The following LDLRAD3 variants were observed in gnomAD, a reference collection of about 807,000 sequenced individuals.
The protein encoded by LDLRAD3 is low-density lipoprotein receptor class A domain-containing protein 3.
Under a neutral mutation model 29.4 loss-of-function variants are expected in LDLRAD3, and 20 were observed. The ratio of observed to expected loss-of-function variants is 0.68; its 90% CI spans 0.48 to 0.99. The LOEUF (loss-of-function observed/expected upper bound fraction) is 0.99. Ranked by LOEUF, LDLRAD3 falls within the 50% of genes least tolerant of loss-of-function variation. The probability of loss-of-function intolerance (pLI) is 0.00; values close to 1 mark genes in which losing one functional copy is unlikely to be tolerated. For synonymous variants in LDLRAD3, 157 were observed against 192.7 expected (o/e 0.81, Z 1.53); for missense variants, 420 against 454.3 (o/e 0.92, Z 0.69).
At chr11:36,079,903 C>G (rs1403514622) in intron 2 of LDLRAD3, among the ~76,000 whole-genome samples, 2 of 152,162 alleles carry the variant, frequency 1.3e-5, no homozygotes, top group African/African-American at 4.8e-5. Context: ...AGAAACTTGT[C>G]CAAAGTCATA....
At chr11:36,104,883 T>C (rs1480194658) in intron 4 of LDLRAD3, among the ~76,000 whole-genome samples, 3 of 152,188 alleles carry the variant, frequency 2.0e-5, no homozygotes, top group Non-Finnish European at 4.4e-5. Context: ...TCAGTCCTAC[T>C]CTTGGCCTGT....
intron 3 of LDLRAD3, among the ~76,000 whole-genome samples, 171 bp downstream of exon 3, chr11:36,081,949 G>A (rs757153300): frequency 5.3e-5 from 8 of 152,198 alleles, no homozygotes; most frequent in African/African-American, 9.7e-5. Context: ...TAAATGTTCA[G>A]CCACCATTTA....
chr11:36,081,903 C>T, intron 3 of LDLRAD3, 125 bp downstream of exon 3: 3 of 1,142,130 alleles, frequency 2.6e-6, no homozygotes, highest in Admixed American at 2.4e-5. Context: ...TTCTGTTACC[C>T]AGATTCTGTT....
chr11:36,169,622 A>G (rs78292803), intron 4 of LDLRAD3, among the ~76,000 whole-genome samples: 16,005 of 152,276 alleles, frequency 0.11, 1,129 homozygotes, highest in Admixed American at 0.21. Context: ...TGTTACTGCA[A>G]ATGACAGAAT....
chr11:35,972,053 G>T (rs1288357981), intron 1 of LDLRAD3, among the ~76,000 whole-genome samples: 1 of 152,092 alleles, frequency 6.6e-6, no homozygotes, highest in African/African-American at 2.4e-5. Context: ...TGTATCTGGA[G>T]CTCAGACAAG....
intron 4 of LDLRAD3, among the ~76,000 whole-genome samples, chr11:36,103,342 A>G (rs905002597): frequency 1.4e-5 from 2 of 146,716 alleles, no homozygotes; most frequent in Non-Finnish European, 3.0e-5. Context: ...GGTTCACACC[A>G]TTCTCCTGCC....
At chr11:36,225,232 A>G (rs11033504) in intron 4 of LDLRAD3, among the ~76,000 whole-genome samples, 11,877 of 152,302 alleles carry the variant, frequency 0.078, 516 homozygotes, top group East Asian at 0.2. Flanking sequence ...CCTCACAGGC[A>G]GAACAAGGAC....
intron 2 of LDLRAD3, among the ~76,000 whole-genome samples, chr11:36,039,013 A>T (rs150429196): frequency 1.6e-3 from 234 of 145,724 alleles, no homozygotes; most frequent in African/African-American, 5.9e-3. Flanking sequence ...TCTGTCACCC[A>T]GGCTGGAATG....
intron 4 of LDLRAD3, among the ~76,000 whole-genome samples, chr11:36,134,744 C>T (rs1259042873): frequency 6.6e-6 from 1 of 152,158 alleles, no homozygotes; most frequent in Non-Finnish European, 1.5e-5. Flanking sequence ...CATTCAGTTG[C>T]AGTTATGTTT....
Position 36,065,037 on chromosome 11 carries a change from T to C in LDLRAD3, c.194-16616T>C, listed in dbSNP as rs76467067. On this transcript the variant is annotated intron_variant, in intron 2 of 5. Transcript: ENST00000315571. ...CTGTAGACTTCTATTAGGTCCACTT[T>C]GTGGTGGTGTTCATGCCTTCTGTTT... Among the ~76,000 whole-genome samples, 166 of 152,342 alleles carry C rather than the reference T, an allele frequency of 1.1e-3. 1 individual carries two copies. The highest frequency in any genetic ancestry group is 3.8e-3 in the African/African-American group (156 of 41,584).
intron 3 of LDLRAD3, among the ~76,000 whole-genome samples, chr11:36,086,395 A>G (rs1019436145): frequency 1.1e-4 from 17 of 151,966 alleles, no homozygotes; most frequent in African/African-American, 3.9e-4. Flanking sequence ...GAGTGCTTAT[A>G]TATGTGTTTT....
intron 1 of LDLRAD3, among the ~76,000 whole-genome samples, chr11:35,960,779 T>C (rs1851267041): frequency 6.6e-6 from 1 of 152,218 alleles, no homozygotes; most frequent in Non-Finnish European, 1.5e-5. Context: ...GTATTTTTAG[T>C]AGAGACGGAG....
At chr11:36,143,419 A>C (rs1265977816) in intron 4 of LDLRAD3, among the ~76,000 whole-genome samples, 1 of 152,256 alleles carries the variant, frequency 6.6e-6, no homozygotes, top group Non-Finnish European at 1.5e-5. Context: ...TCCACGGTTC[A>C]GGGCGGACCT....
chr11:36,207,416 A>G (rs1445163156), intron 4 of LDLRAD3, among the ~76,000 whole-genome samples: 1 of 152,216 alleles, frequency 6.6e-6, no homozygotes, highest in Non-Finnish European at 1.5e-5. Flanking sequence ...TCCCACCTAT[A>G]AACCCAACAC....
chr11:36,221,475 A>G (rs1476724801), intron 4 of LDLRAD3, among the ~76,000 whole-genome samples: 4 of 152,150 alleles, frequency 2.6e-5, no homozygotes, highest in African/African-American at 9.7e-5. Context: ...CTGAACCCCA[A>G]GAAGCACCTA....
chr11:36,063,166 C>T (rs978941566), intron 2 of LDLRAD3, among the ~76,000 whole-genome samples: 2 of 152,184 alleles, frequency 1.3e-5, no homozygotes, highest in African/African-American at 4.8e-5. Context: ...ACACCCACCC[C>T]ACTACATCCC....
chr11:36,044,229 A>G (rs1459606017), intron 2 of LDLRAD3, among the ~76,000 whole-genome samples: 1 of 152,090 alleles, frequency 6.6e-6, no homozygotes, highest in Non-Finnish European at 1.5e-5. Flanking sequence ...CAGAGATGTG[A>G]TATTTCAGGG....
At chr11:36,164,137 G>T (rs1384005880) in intron 4 of LDLRAD3, among the ~76,000 whole-genome samples, 1 of 152,192 alleles carries the variant, frequency 6.6e-6, no homozygotes, top group African/African-American at 2.4e-5. Context: ...CTGATATCAT[G>T]GTTGAGCCCT....
intron 4 of LDLRAD3, among the ~76,000 whole-genome samples, chr11:36,205,712 C>A (rs944780719): frequency 2.1e-4 from 32 of 152,172 alleles, no homozygotes; most frequent in Admixed American, 1.7e-3. Context: ...GGTTTTTCTC[C>A]TCGGAAGCCA....
Sources: allele counts gnomAD v4.1 joint callset (sites outside exome capture counted in the v4.1 genomes callset), GRCh38; gene constraint gnomAD v4.1.1; transcripts MANE v1.5; gene names NCBI Gene and HGNC (gene_info 2026-07-23, HGNC 2026-07-21).